KIF13A: variants seen among roughly 807,000 people sequenced by gnomAD.
KIF13A encodes the protein kinesin-like protein KIF13A.
KIF13A carries 79 observed loss-of-function variants against 212.2 expected under a neutral mutation model. That is an observed-to-expected ratio of 0.37 (90% CI 0.31 to 0.45). The LOEUF (loss-of-function observed/expected upper bound fraction) is 0.45. KIF13A is among the 20% of genes least tolerant of loss of function. The probability of loss-of-function intolerance (pLI) is 1.00; values close to 1 mark genes in which losing one functional copy is unlikely to be tolerated. For missense variants in KIF13A, 1,901 were observed against 2,209.0 expected, an observed-to-expected ratio of 0.86 and a Z score of 2.79; for synonymous variants, 789 against 808.6, an observed-to-expected ratio of 0.98 and a Z score of 0.41.
At chr6:17,863,080 G>C (rs889257078) in intron 4 of KIF13A, among the ~76,000 whole-genome samples, 20 of 152,232 alleles carry the variant, frequency 1.3e-4, no homozygotes, top group African/African-American at 4.8e-4. Flanking sequence ...CTGAACGACA[G>C]AGCAAGACCC....
chr6:17,915,006 C>G lies in KIF13A; in HGVS notation c.147-16826G>C, dbSNP rs1774372233. Among the ~76,000 whole-genome samples, 1 of 152,196 alleles carries G rather than the reference C, an allele frequency of 6.6e-6. No individual in the cohort carries two copies. The highest frequency in any genetic ancestry group is 2.4e-5 in the African/African-American group (1 of 41,442). Reference sequence around the variant, plus strand: ...TAATACACCTTCTGATGGACTCATACATTTAACTACCTGGTTTTGGTTTTA... The same window carrying G: ...TAATACACCTTCTGATGGACTCATAGATTTAACTACCTGGTTTTGGTTTTA... On this transcript the variant is annotated intron_variant, in intron 2 of 38. Transcript: ENST00000259711. This position sits in a 1 kb window ranked among gnomAD's most constrained non-coding sequence, Gnocchi z 4.4.
At chr6:17,842,031 G>A (rs1322868795) in intron 9 of KIF13A, among the ~76,000 whole-genome samples, 2 of 133,512 alleles carry the variant, frequency 1.5e-5, no homozygotes, top group African/African-American at 2.8e-5. Flanking sequence ...GTGTGTGTGT[G>A]TGTATACACT....
At chr6:17,814,291 C>T (rs868285776) in intron 17 of KIF13A, among the ~76,000 whole-genome samples, 1 of 140,874 alleles carries the variant, frequency 7.1e-6, no homozygotes, top group Non-Finnish European at 1.5e-5. Context: ...CTCTGTCACC[C>T]AGGCTAGAGT....
intron 6 of KIF13A, among the ~76,000 whole-genome samples, chr6:17,854,348 G>A (rs1472062035): frequency 6.6e-6 from 1 of 152,040 alleles, no homozygotes; most frequent in Non-Finnish European, 1.5e-5. Flanking sequence ...ATGTTGACCA[G>A]GCTGGTCTCG....
At chr6:17,896,007 G>A (rs570769479) in intron 3 of KIF13A, among the ~76,000 whole-genome samples, 1 of 152,096 alleles carries the variant, frequency 6.6e-6, no homozygotes, top group East Asian at 1.9e-4. Context: ...ATCATCCTTT[G>A]GTATATGTGG....
intron 4 of KIF13A, among the ~76,000 whole-genome samples, chr6:17,861,538 A>C (rs1483252551): frequency 6.6e-6 from 1 of 152,232 alleles, no homozygotes; most frequent in African/African-American, 2.4e-5. Flanking sequence ...TCAAAAAATC[A>C]AATCTCCAAG....
In KIF13A at chr6:17,834,358, G is replaced by A. The variant is rs1048342165; in HGVS notation, c.1156-287C>T. 2.6e-5 allele frequency among the ~76,000 whole-genome samples: 4 copies of A among 152,112 alleles called. No homozygotes were observed. The highest frequency in any genetic ancestry group is 4.4e-5 in the Non-Finnish European group (3 of 68,030). On this transcript the variant is annotated intron_variant, in intron 11 of 38. Transcript: ENST00000259711. This position sits in a 1 kb window ranked among gnomAD's most constrained non-coding sequence, Gnocchi z 4.0. Reference sequence around the variant, plus strand: ...ATTTAAAGCCCTAAAAGATGCTAACGTTCAACTTTGAAATAGATAAGCAGG... The same window carrying A: ...ATTTAAAGCCCTAAAAGATGCTAACATTCAACTTTGAAATAGATAAGCAGG...
chr6:17,941,996 A>G (rs1776997011), intron 2 of KIF13A, among the ~76,000 whole-genome samples: 2 of 152,052 alleles, frequency 1.3e-5, no homozygotes, highest in African/African-American at 4.8e-5. Flanking sequence ...AATGCAAAAT[A>G]TTCTATATCA....
rs733696 is a variant in KIF13A, at chr6:17,807,998, G to A, written c.2163+770C>T. On this transcript the variant is annotated intron_variant, in intron 18 of 38. Transcript: ENST00000259711. ...CAGGAAAAATTCTTCAAGGTGAAATGACAGGAAACTCCCAGACGCTTGCAA... is the reference window on the plus strand; with the variant it reads ...CAGGAAAAATTCTTCAAGGTGAAATAACAGGAAACTCCCAGACGCTTGCAA... Among the ~76,000 whole-genome samples the A allele has an allele frequency of 3.2e-3, 489 of 152,304 alleles. 3 individuals carry two copies. Among genetic ancestry groups the A allele is most frequent in the African/African-American group, 0.011 (451 of 41,566 alleles).
chr6:17,866,813 A>T (rs1769413678), intron 4 of KIF13A, among the ~76,000 whole-genome samples: 1 of 142,506 alleles, frequency 7.0e-6, no homozygotes. Flanking sequence ...TAAAGGGGAG[A>T]ACAAAAAAGC....
In KIF13A at chr6:17,947,583, CT is replaced by C. The variant is rs1034749994; in HGVS notation, c.146+39470del. On this transcript the variant is annotated intron_variant, in intron 2 of 38. Transcript: ENST00000259711. The surrounding 1 kb of genome is among the most constrained non-coding windows in gnomAD (Gnocchi z 4.6). Reference sequence around the variant, plus strand: ...GTAGCTCACGCCTGTAATCCCAGCACTTTGGGAGGCCGAGGTGGGTGGATCA... The same window carrying C: ...GTAGCTCACGCCTGTAATCCCAGCACTTGGGAGGCCGAGGTGGGTGGATCA... Among the ~76,000 whole-genome samples, 1 of 152,132 alleles carries C rather than the reference CT, an allele frequency of 6.6e-6. No individual in the cohort carries two copies. The highest frequency in any genetic ancestry group is 2.4e-5 in the African/African-American group (1 of 41,414).
intron 25 of KIF13A, among the ~76,000 whole-genome samples, chr6:17,790,643 A>G (rs1008977752): frequency 3.3e-5 from 5 of 152,138 alleles, no homozygotes; most frequent in African/African-American, 9.7e-5. Flanking sequence ...GGATGAAATG[A>G]TTTAACCTTA....
At chr6:17,763,381 G>A (rs564285580), downstream of KIF13A, among the ~76,000 whole-genome samples, 2 of 146,058 alleles carry the variant, frequency 1.4e-5, no homozygotes, top group African/African-American at 5.1e-5. Context: ...GAGGCAGGAG[G>A]ATCACGTGAG....
intron 2 of KIF13A, among the ~76,000 whole-genome samples, chr6:17,956,889 A>AT (rs56165328): frequency 1.3e-4 from 19 of 149,480 alleles, no homozygotes; most frequent in East Asian, 5.9e-4. Context: ...GTTCAATCAC[A>AT]TTTTTTTTTT....
rs1203769563 is a variant in KIF13A at position 17,968,101 on chromosome 6, A to G, written c.146+18953T>C. Reference sequence around the variant, plus strand: ...GCATATTATTTGACATGTGTGCTGCAGTGGGGAACAAAAAAATGTTGAAAA... The same window carrying G: ...GCATATTATTTGACATGTGTGCTGCGGTGGGGAACAAAAAAATGTTGAAAA... On this transcript the variant is annotated intron_variant, in intron 2 of 38. Transcript: ENST00000259711. The surrounding 1 kb of genome is among the most constrained non-coding windows in gnomAD (Gnocchi z 4.7). Among the ~76,000 whole-genome samples, 2 of 152,284 alleles carry G rather than the reference A, an allele frequency of 1.3e-5. No homozygotes were observed. Among genetic ancestry groups the G allele is most frequent in the East Asian group, 3.9e-4 (2 of 5,176 alleles).
chr6:17,826,240 C>T lies in KIF13A; in HGVS notation c.1533-116G>A, dbSNP rs1195353358. 2 of 722,518 alleles carry T rather than the reference C, an allele frequency of 2.8e-6. No individual in the cohort carries two copies. Among genetic ancestry groups the T allele is most frequent in the Non-Finnish European group, 2.4e-6 (1 of 421,494 alleles). The allele number at this position is 722,518 out of a possible 1,614,324, so 44.8% of individuals were successfully genotyped here. ...CTTAATAAATGCATTCCAACTAACG[C>T]TTAAAGAAGGAAGAGCAGAATGTGT... On this transcript the variant is annotated intron_variant, in intron 14 of 38. Transcript: ENST00000259711. This position sits in a 1 kb window ranked among gnomAD's most constrained non-coding sequence, Gnocchi z 4.7.
chr6:17,966,584 TAG>T (rs1338486904), intron 2 of KIF13A, among the ~76,000 whole-genome samples: 5 of 151,330 alleles, frequency 3.3e-5, no homozygotes, highest in African/African-American at 2.4e-5. Context: ...TGAATAAATA[TAG>T]AGTGTCTCCT....
rs969731803 is a variant in KIF13A, at chr6:17,773,637, T to C, written c.4219-54A>G. On this transcript the variant is annotated intron_variant, in intron 35 of 38. Coordinates refer to ENST00000259711, the MANE Select transcript of KIF13A (RefSeq NM_022113.6). This position sits in a 1 kb window ranked among gnomAD's most constrained non-coding sequence, Gnocchi z 4.2. ...AATTGAATCACTCCAAAATAAGAAA[T>C]AAAGCCCAGGTTGGAGTTTCTTCTG... 4.9e-6 allele frequency: 5 copies of C among 1,011,890 alleles called. No individual in the cohort carries two copies. The highest frequency in any genetic ancestry group is 4.8e-5 in the African/African-American group (3 of 62,460). The allele number at this position is 1,011,890 out of a possible 1,614,324, so 62.7% of individuals were successfully genotyped here.
intron 3 of KIF13A, among the ~76,000 whole-genome samples, chr6:17,884,273 T>C (rs1308382153): frequency 3.3e-5 from 5 of 152,360 alleles, no homozygotes; most frequent in African/African-American, 4.8e-5. Flanking sequence ...ACTAAGATAA[T>C]GCTTGGCACA....
Sources: gnomAD v4.1 joint callset for allele counts (sites outside exome capture counted in the v4.1 genomes callset) on GRCh38, gnomAD v4.1.1 for gene constraint, Gnocchi (gnomAD v3.1) non-coding constraint, MANE v1.5 for transcripts, NCBI Gene and HGNC (gene_info 2026-07-23, HGNC 2026-07-21) for gene names.